DCC: variants seen among roughly 807,000 people sequenced by gnomAD.
DCC encodes the protein DCC netrin 1 receptor.
DCC carries 58 observed loss-of-function variants against 172.5 expected under a neutral mutation model. The observed-to-expected ratio is 0.34, with a 90% CI of 0.27 to 0.42. DCC has a LOEUF of 0.42. DCC is among the 10% of genes least tolerant of loss of function. The probability of loss-of-function intolerance (pLI) is 1.00; values close to 1 mark genes in which losing one functional copy is unlikely to be tolerated. For missense variants in DCC, 1,740 were observed against 1,791.0 expected, an observed-to-expected ratio of 0.97 and a Z score of 0.51; for synonymous variants, 709 against 644.5, an observed-to-expected ratio of 1.10 and a Z score of -1.52.
At chr18:52,968,656 A>G (rs2040973580) in intron 5 of DCC, among the ~76,000 whole-genome samples, 2 of 152,212 alleles carry the variant, frequency 1.3e-5, no homozygotes, top group Non-Finnish European at 2.9e-5. Context: ...CAGTAAAATT[A>G]TTCTGTAAAT....
chr18:53,368,530 G>A (rs761831477), intron 15 of DCC, among the ~76,000 whole-genome samples: 10 of 151,952 alleles, frequency 6.6e-5, no homozygotes, highest in Admixed American at 2.6e-4. Context: ...ATCTAACATC[G>A]TGAATTTTTG....
intron 7 of DCC, among the ~76,000 whole-genome samples, chr18:53,111,044 A>G (rs2043322548): frequency 7.0e-6 from 1 of 143,600 alleles, no homozygotes; most frequent in Non-Finnish European, 1.5e-5. Flanking sequence ...TGTGGCACAT[A>G]TACACCATGG....
intron 14 of DCC, among the ~76,000 whole-genome samples, chr18:53,329,989 A>G (rs1240586326): frequency 6.6e-6 from 1 of 152,212 alleles, no homozygotes; most frequent in Non-Finnish European, 1.5e-5. Context: ...AACTATTGCC[A>G]GTACTTTTAG....
At chr18:52,897,383 T>C (rs923937873) in intron 2 of DCC, among the ~76,000 whole-genome samples, 1 of 152,210 alleles carries the variant, frequency 6.6e-6, no homozygotes, top group African/African-American at 2.4e-5. Flanking sequence ...ACAGACTATG[T>C]TGGAAAGTGA....
intron 5 of DCC, among the ~76,000 whole-genome samples, chr18:53,034,535 A>G (rs562115032): frequency 1.4e-4 from 22 of 152,160 alleles, no homozygotes; most frequent in African/African-American, 4.8e-4. Context: ...CACTACTACC[A>G]TGCCATGCTG....
chr18:52,506,240 TA>T (rs1259775296), intron 1 of DCC, among the ~76,000 whole-genome samples: 1 of 152,148 alleles, frequency 6.6e-6, no homozygotes, highest in Non-Finnish European at 1.5e-5. Flanking sequence ...ATTGACAAGC[TA>T]AAATTTGGAA....
chr18:52,346,715 C>A lies in DCC; in HGVS notation c.91+5837C>A, dbSNP rs559999090. Among the ~76,000 whole-genome samples the A allele has an allele frequency of 3.3e-5, 5 of 152,118 alleles. No individual in the cohort carries two copies. The South Asian group carries it at 1.0e-3, about 32-fold the overall frequency. On this transcript the variant is annotated intron_variant, in intron 1 of 28. Coordinates refer to ENST00000442544, the MANE Select transcript of DCC (RefSeq NM_005215.4). Reference sequence around the variant, plus strand: ...CTTTCATTTCTTGGGGGGAAAAGTTCAAGTAGGAAACACACAAATCATTCC... The same window carrying A: ...CTTTCATTTCTTGGGGGGAAAAGTTAAAGTAGGAAACACACAAATCATTCC...
intron 10 of DCC, among the ~76,000 whole-genome samples, chr18:53,206,709 A>G (rs1422842135): frequency 2.0e-5 from 3 of 148,982 alleles, no homozygotes; most frequent in African/African-American, 7.4e-5. Flanking sequence ...ATTTACTTCC[A>G]GATTCTCAAC....
chr18:52,712,182 A>T (rs1306731375), intron 1 of DCC, among the ~76,000 whole-genome samples: 1 of 152,156 alleles, frequency 6.6e-6, no homozygotes, highest in Admixed American at 6.5e-5. Context: ...GATGGCCTTG[A>T]TCTCTTGACC....
At chr18:52,526,401 G>C (rs1271537541) in intron 1 of DCC, among the ~76,000 whole-genome samples, 3 of 151,992 alleles carry the variant, frequency 2.0e-5, no homozygotes, top group Admixed American at 6.6e-5. Flanking sequence ...GCAATCAAAG[G>C]CAAGGTCTTC....
intron 25 of DCC, among the ~76,000 whole-genome samples, chr18:53,468,771 C>G (rs984211069): frequency 6.6e-6 from 1 of 152,114 alleles, no homozygotes; most frequent in Non-Finnish European, 1.5e-5. Flanking sequence ...GACAGACACC[C>G]ACTTACTACA....
At chr18:53,035,065 A>G (rs549278510) in intron 5 of DCC, among the ~76,000 whole-genome samples, 21 of 152,078 alleles carry the variant, frequency 1.4e-4, no homozygotes, top group South Asian at 8.3e-4. Flanking sequence ...ATAGTTGTAC[A>G]TATTTTGAGG....
At chr18:53,413,250 C>A (rs1910097994) in intron 20 of DCC, among the ~76,000 whole-genome samples, 1 of 152,136 alleles carries the variant, frequency 6.6e-6, no homozygotes, top group African/African-American at 2.4e-5. Flanking sequence ...ACAGTAAATT[C>A]TCTGGGCATC....
chr18:53,045,245 A>T (rs1250497315), intron 5 of DCC, among the ~76,000 whole-genome samples: 2 of 151,878 alleles, frequency 1.3e-5, no homozygotes, highest in African/African-American at 2.4e-5. Flanking sequence ...CATTTCCTCA[A>T]GCTTTTCTTT....
At chr18:52,558,666 G>A (rs986418544) in intron 1 of DCC, among the ~76,000 whole-genome samples, 1 of 152,084 alleles carries the variant, frequency 6.6e-6, no homozygotes, top group African/African-American at 2.4e-5. Context: ...CCAAAGACAG[G>A]CATCAGGTCA....
intron 3 of DCC, among the ~76,000 whole-genome samples, chr18:52,908,910 A>G (rs748969703): frequency 7.2e-5 from 11 of 152,186 alleles, no homozygotes; most frequent in Non-Finnish European, 1.6e-4. Context: ...GTGTGTACAC[A>G]TGCATGCGCA....
intron 5 of DCC, among the ~76,000 whole-genome samples, chr18:52,960,231 C>A (rs1023429007): frequency 6.6e-6 from 1 of 152,026 alleles, no homozygotes; most frequent in Non-Finnish European, 1.5e-5. Flanking sequence ...TAGAGAATGA[C>A]AGATTAAGGA....
chr18:52,681,393 C>T (rs1599014449), intron 1 of DCC, among the ~76,000 whole-genome samples: 1 of 152,002 alleles, frequency 6.6e-6, no homozygotes, highest in Non-Finnish European at 1.5e-5. Flanking sequence ...GATGATGTGT[C>T]AGTTGCAAAC....
chr18:52,842,363 C>A (rs1382333712), intron 2 of DCC, among the ~76,000 whole-genome samples: 2 of 152,146 alleles, frequency 1.3e-5, no homozygotes, highest in African/African-American at 4.8e-5. Flanking sequence ...GAAAGCTATT[C>A]ATTTAGTCTG....
Sources: allele counts gnomAD v4.1 joint callset (sites outside exome capture counted in the v4.1 genomes callset), GRCh38; gene constraint gnomAD v4.1.1; transcripts MANE v1.5; gene names NCBI Gene and HGNC (gene_info 2026-07-23, HGNC 2026-07-21).